Variants in SEMA5A observed in about 807,000 individuals in gnomAD.
SEMA5A encodes semaphorin-5A.
In SEMA5A, 55 loss-of-function variants were observed where a neutral mutation model predicts 135.5. The ratio of observed to expected loss-of-function variants is 0.41; its 90% CI spans 0.33 to 0.51. The LOEUF (loss-of-function observed/expected upper bound fraction) is 0.51, where lower values mean the gene tolerates loss of function less well. Among genes scored for constraint, SEMA5A ranks in the 20% least tolerant of loss-of-function variants. SEMA5A has a pLI of 0.37. For synonymous variants in SEMA5A, 580 were observed against 546.5 expected, an observed-to-expected ratio of 1.06 and a Z score of -0.85; for missense variants, 1,290 against 1,419.9, an observed-to-expected ratio of 0.91 and a Z score of 1.47.
intron 5 of SEMA5A, among the ~76,000 whole-genome samples, chr5:9,243,387 G>A (rs1199905366): frequency 2.0e-5 from 3 of 152,044 alleles, no homozygotes; most frequent in African/African-American, 7.2e-5. Flanking sequence ...CTGGATTAAG[G>A]CCCACTGTAT....
At chr5:9,267,094 G>A (rs1206203163) in intron 5 of SEMA5A, among the ~76,000 whole-genome samples, 2 of 152,140 alleles carry the variant, frequency 1.3e-5, no homozygotes, top group Admixed American at 6.5e-5. Flanking sequence ...CTAGGTTGCT[G>A]GCTCAAAACC....
intron 16 of SEMA5A, among the ~76,000 whole-genome samples, chr5:9,083,002 C>T (rs1738473225): frequency 6.6e-6 from 1 of 152,180 alleles, no homozygotes; most frequent in Non-Finnish European, 1.5e-5. Flanking sequence ...TTACATGAAG[C>T]TGTCTTTTTA....
At position 9,154,587 on chromosome 5, in the gene SEMA5A, C is replaced by T; in HGVS notation, c.1382G>A (p.Ser461Asn). The T allele has an allele frequency of 1.9e-6, 3 of 1,613,846 alleles. No homozygotes were observed. Among genetic ancestry groups the T allele is most frequent in the Non-Finnish European group, 2.5e-6 (3 of 1,179,982 alleles). Residue 461 changes from serine (S) to asparagine (N), a missense_variant, in exon 12 of 23, where the codon AGC becomes AAC. Around this residue, in one of 3 missense-constraint regions of SEMA5A, gnomAD observed 1,029 missense variants for 1,086.6 expected, o/e 0.95. Coordinates refer to ENST00000382496, the MANE Select transcript of SEMA5A (RefSeq NM_003966.3). ...FPERRREPIRSLQILHSQSVL... is the reference protein window; with the variant it reads ...FPERRREPIRNLQILHSQSVL... ...ACTCTGGCTGTGCAGGATCTGCAGG[C>T]TCCTGATGGGCTCCCTCCGCCTCTC...
Position 9,183,242 on chromosome 5 carries a change from A to G in SEMA5A, c.1273+7025T>C, listed in dbSNP as rs1172830578. On this transcript the variant is annotated intron_variant, in intron 11 of 22. Coordinates refer to ENST00000382496, the MANE Select transcript of SEMA5A (RefSeq NM_003966.3). ...CAGAAAGAGACATCTGCTTGGCTACATGAGAAGCCTGCCCTTGGACAGCCG... is the reference window on the plus strand; with the variant it reads ...CAGAAAGAGACATCTGCTTGGCTACGTGAGAAGCCTGCCCTTGGACAGCCG... Among the ~76,000 whole-genome samples the G allele has an allele frequency of 3.9e-5, 6 of 152,142 alleles. No homozygotes were observed. In the South Asian group the frequency reaches 1.2e-3, roughly 32 times the overall value.
chr5:9,544,933 G>T (rs1196768290), intron 1 of SEMA5A, among the ~76,000 whole-genome samples: 1 of 152,224 alleles, frequency 6.6e-6, no homozygotes, highest in Admixed American at 6.5e-5. Context: ...CTGAGCCGCG[G>T]TGTGCAAAAT....
chr5:9,176,061 C>T (rs1337374956), intron 11 of SEMA5A, among the ~76,000 whole-genome samples: 1 of 152,188 alleles, frequency 6.6e-6, no homozygotes, highest in Non-Finnish European at 1.5e-5. Context: ...GATCATGTGA[C>T]ATTGCCACAG....
At chr5:9,298,174 T>C (rs1751434597) in intron 5 of SEMA5A, among the ~76,000 whole-genome samples, 1 of 148,000 alleles carries the variant, frequency 6.8e-6, no homozygotes, top group South Asian at 2.2e-4. Flanking sequence ...GGGTGGGCCA[T>C]AATCCATATG....
At chr5:9,192,139 G>A (rs1488556763) in intron 10 of SEMA5A, among the ~76,000 whole-genome samples, 1 of 152,004 alleles carries the variant, frequency 6.6e-6, no homozygotes, top group African/African-American at 2.4e-5. Context: ...TGTGAGTTTA[G>A]GTGAAGGGCT....
intron 1 of SEMA5A, among the ~76,000 whole-genome samples, chr5:9,501,484 C>T (rs1735597247): frequency 1.3e-5 from 2 of 152,058 alleles, no homozygotes; most frequent in Admixed American, 1.3e-4. Context: ...GTAGAGAATA[C>T]AGAAAGAGCA....
At chr5:9,277,209 A>G (rs1478123936) in intron 5 of SEMA5A, among the ~76,000 whole-genome samples, 1 of 152,248 alleles carries the variant, frequency 6.6e-6, no homozygotes, top group Non-Finnish European at 1.5e-5. Context: ...AAACATATGA[A>G]AAAAATGCTC....
At chr5:9,398,021 G>A (rs1459710072) in intron 2 of SEMA5A, among the ~76,000 whole-genome samples, 1 of 152,168 alleles carries the variant, frequency 6.6e-6, no homozygotes, top group Non-Finnish European at 1.5e-5. Flanking sequence ...GCTGATCCAC[G>A]CTATCATCTT....
In SEMA5A at chr5:9,136,616, C is replaced by A. The variant is rs1404459267; in HGVS notation, c.1487G>T (p.Cys496Phe). 2 of 1,612,714 alleles carry A rather than the reference C, an allele frequency of 1.2e-6. No individual in the cohort carries two copies. The highest frequency in any genetic ancestry group is 1.7e-6 in the Non-Finnish European group (2 of 1,178,800). Residue 496 changes from cysteine (C) to phenylalanine (F), a missense_variant, in exon 13 of 23, where the codon TGC becomes TTC. Coordinates refer to ENST00000382496, the MANE Select transcript of SEMA5A (RefSeq NM_003966.3). ...ACAGTAAGGGTCCTGGGCCCCAATGCAGGTGCTGGAAACACACACCAAATG... is the reference window on the plus strand; with the variant it reads ...ACAGTAAGGGTCCTGGGCCCCAATGAAGGTGCTGGAAACACACACCAAATG... ...RCQFYRTRST[C>F]IGAQDPYCGW...
At chr5:9,484,522 C>T (rs926912722) in intron 1 of SEMA5A, among the ~76,000 whole-genome samples, 2 of 152,124 alleles carry the variant, frequency 1.3e-5, no homozygotes, top group African/African-American at 4.8e-5. Context: ...AATAATGCTA[C>T]TGAAGTCTTT....
At chr5:9,486,135 T>C (rs959304077) in intron 1 of SEMA5A, among the ~76,000 whole-genome samples, 1 of 151,692 alleles carries the variant, frequency 6.6e-6, no homozygotes, top group Non-Finnish European at 1.5e-5. Flanking sequence ...ATGGATGAAA[T>C]TGAAAGCCAT....
In SEMA5A at chr5:9,305,823, G is replaced by C. The variant is rs142175850; in HGVS notation, c.270+12549C>G. Among the ~76,000 whole-genome samples, 820 of 151,802 alleles carry C rather than the reference G, an allele frequency of 5.4e-3. 7 individuals are homozygous for C. Among genetic ancestry groups the C allele is most frequent in the African/African-American group, 0.019 (769 of 41,382 alleles). On this transcript the variant is annotated intron_variant, in intron 5 of 22. Transcript: ENST00000382496. ...CCTTCTTTTTTAAGGGAAGTTCTCAGGGGAAATCTTGGTCCCCTGGTCCAA... is the reference window on the plus strand; with the variant it reads ...CCTTCTTTTTTAAGGGAAGTTCTCACGGGAAATCTTGGTCCCCTGGTCCAA...
At chr5:9,066,837 A>G (rs1455781436) in intron 16 of SEMA5A, among the ~76,000 whole-genome samples, 191 bp from the exon 17 acceptor site, 1 of 152,190 alleles carries the variant, frequency 6.6e-6, no homozygotes, top group Non-Finnish European at 1.5e-5. Flanking sequence ...TGTTCAAGAC[A>G]TCTCCAAAAG....
chr5:9,233,473 T>A (rs993607035), intron 6 of SEMA5A, among the ~76,000 whole-genome samples: 1 of 152,106 alleles, frequency 6.6e-6, no homozygotes, highest in Non-Finnish European at 1.5e-5. Flanking sequence ...CCCACTTTTT[T>A]TCCCCCATGG....
intron 16 of SEMA5A, among the ~76,000 whole-genome samples, chr5:9,100,529 G>A (rs1453478305): frequency 3.9e-5 from 6 of 152,112 alleles, no homozygotes; most frequent in Admixed American, 3.3e-4. Context: ...CAGAAAATCA[G>A]TTCTGCTGCC....
chr5:9,062,090 A>G (rs1313394159), intron 18 of SEMA5A, among the ~76,000 whole-genome samples: 2 of 152,128 alleles, frequency 1.3e-5, no homozygotes, highest in African/African-American at 4.8e-5. Context: ...AGGCACAACA[A>G]CTAGAGTCCA....
Sources: gnomAD v4.1 joint callset for allele counts (sites outside exome capture counted in the v4.1 genomes callset) on GRCh38, gnomAD v4.1.1 for gene constraint, gnomAD v4.1.1 regional missense constraint, MANE v1.5 for transcripts, NCBI Gene and HGNC (gene_info 2026-07-23, HGNC 2026-07-21) for gene names.